The following ANO3 variants were observed in gnomAD, a reference collection of about 807,000 sequenced individuals.
The protein encoded by ANO3 is anoctamin 3.
A neutral mutation model predicts 144.8 loss-of-function variants in ANO3; 99 were observed. That is an observed-to-expected ratio of 0.68 (90% CI 0.58 to 0.81). The LOEUF is 0.81. Ranked by LOEUF, ANO3 falls within the 30% of genes least tolerant of loss-of-function variation. ANO3 has a pLI of 0.00. For missense variants in ANO3, 905 were observed against 1,202.2 expected (o/e 0.75, Z 3.66); for synonymous variants, 414 against 392.6 (o/e 1.05, Z -0.64).
intron 1 of ANO3, among the ~76,000 whole-genome samples, chr11:26,224,001 A>G (rs557494432): frequency 5.0e-4 from 76 of 152,242 alleles, no homozygotes; most frequent in African/African-American, 1.8e-3. Context: ...ACACACACCT[A>G]AACTATATCA....
chr11:26,516,301 A>G (rs1190969491), intron 5 of ANO3, among the ~76,000 whole-genome samples: 2 of 151,448 alleles, frequency 1.3e-5, no homozygotes, highest in Non-Finnish European at 3.0e-5. Context: ...GAAAGCAAAT[A>G]TGACGACTCT....
chr11:26,594,293 C>G (rs192819988), intron 14 of ANO3, among the ~76,000 whole-genome samples: 16 of 152,322 alleles, frequency 1.1e-4, no homozygotes, highest in South Asian at 2.1e-4. Flanking sequence ...GAATCATTCT[C>G]TTTCCTCTGT....
chr11:26,543,686 C>T (rs1221229699), intron 11 of ANO3, among the ~76,000 whole-genome samples: 3 of 152,040 alleles, frequency 2.0e-5, no homozygotes, highest in Non-Finnish European at 4.4e-5. Flanking sequence ...TCAGTTACCA[C>T]CTATGAGTGA....
chr11:26,298,851 C>T (rs1854152689), intron 1 of ANO3, among the ~76,000 whole-genome samples: 1 of 152,170 alleles, frequency 6.6e-6, no homozygotes, highest in Admixed American at 6.5e-5. Flanking sequence ...CCAAGCTTTT[C>T]TCCATCGACT....
chr11:26,383,990 C>T (rs1312501525), intron 1 of ANO3, among the ~76,000 whole-genome samples: 5 of 137,792 alleles, frequency 3.6e-5, no homozygotes, highest in Non-Finnish European at 6.1e-5. Flanking sequence ...CTCCGCTTCT[C>T]GGGTGCAAGT....
chr11:26,506,628 T>C (rs1030061864), intron 4 of ANO3, among the ~76,000 whole-genome samples: 1 of 152,218 alleles, frequency 6.6e-6, no homozygotes, highest in African/African-American at 2.4e-5. Flanking sequence ...CTCAGAGCTT[T>C]TTTATTCATT....
At chr11:26,572,498 G>T (rs1850867565) in intron 14 of ANO3, among the ~76,000 whole-genome samples, 1 of 152,170 alleles carries the variant, frequency 6.6e-6, no homozygotes, top group East Asian at 1.9e-4. Flanking sequence ...CCTTGCAGGT[G>T]AGGAATCCAA....
chr11:26,504,970 C>T (rs954806602), intron 4 of ANO3, among the ~76,000 whole-genome samples: 21 of 139,556 alleles, frequency 1.5e-4, no homozygotes, highest in Admixed American at 1.5e-3. Context: ...GGAGATCACG[C>T]CACTGCACTC....
chr11:26,622,262 A>C (rs1296066329), intron 17 of ANO3, among the ~76,000 whole-genome samples: 1 of 152,060 alleles, frequency 6.6e-6, no homozygotes, highest in Non-Finnish European at 1.5e-5. Context: ...TCAGTTGCAG[A>C]TATTGCCATC....
At chr11:26,263,068 T>C (rs1372390041) in intron 1 of ANO3, among the ~76,000 whole-genome samples, 4 of 152,228 alleles carry the variant, frequency 2.6e-5, no homozygotes, top group Non-Finnish European at 5.9e-5. Context: ...CCCATATTCT[T>C]CATTCCAAGA....
intron 14 of ANO3, among the ~76,000 whole-genome samples, chr11:26,568,271 A>C (rs1484099751): frequency 6.6e-6 from 1 of 152,072 alleles, no homozygotes; most frequent in Non-Finnish European, 1.5e-5. Flanking sequence ...TATTAATCCC[A>C]CTTTACAGAT....
chr11:26,590,151 A>C (rs1201800305), intron 14 of ANO3, among the ~76,000 whole-genome samples: 4 of 152,208 alleles, frequency 2.6e-5, no homozygotes, highest in Non-Finnish European at 5.9e-5. Flanking sequence ...ACAAACAAAC[A>C]AACCCAGATG....
chr11:26,468,477 CTT>C (rs1590387516), intron 4 of ANO3, among the ~76,000 whole-genome samples: 1 of 151,974 alleles, frequency 6.6e-6, no homozygotes, highest in African/African-American at 2.4e-5. Flanking sequence ...AGGCCATTCA[CTT>C]TGTGTCAACT....
chr11:26,208,821 A>T (rs1851871434), intron 1 of ANO3, among the ~76,000 whole-genome samples: 1 of 152,222 alleles, frequency 6.6e-6, no homozygotes, highest in South Asian at 2.1e-4. Flanking sequence ...AAAGTTTTGT[A>T]CTAACATTTG....
At position 26,249,606 on chromosome 11, in the gene ANO3, A is replaced by G. The variant is rs183445235; in HGVS notation, c.155-60039A>G. On this transcript the variant is annotated intron_variant, in intron 1 of 27. Transcript: ENST00000672621. ...GAATAAATGAAAAGGAAATATAAAT[A>G]TTTGGAGCACTGTTATGTTGTTAAA... Among the ~76,000 whole-genome samples the G allele has an allele frequency of 2.4e-4, 36 of 152,204 alleles. No homozygotes were observed. The East Asian group carries it at 6.0e-3, about 25-fold the overall frequency.
At chr11:26,623,554 T>G (rs1852483657) in intron 17 of ANO3, among the ~76,000 whole-genome samples, 1 of 152,134 alleles carries the variant, frequency 6.6e-6, no homozygotes, top group South Asian at 2.1e-4. Flanking sequence ...AGAGGAAAAG[T>G]ATTATCAGAA....
chr11:26,552,018 G>A (rs970565443), intron 12 of ANO3, among the ~76,000 whole-genome samples: 6 of 151,926 alleles, frequency 3.9e-5, no homozygotes, highest in African/African-American at 1.4e-4. Flanking sequence ...AGTTGATGGA[G>A]AACTGGATCT....
chr11:26,439,199 G>A (rs1858421209), intron 1 of ANO3, among the ~76,000 whole-genome samples: 1 of 152,072 alleles, frequency 6.6e-6, no homozygotes, highest in Non-Finnish European at 1.5e-5. Context: ...CTAAACTTAA[G>A]AGCTAAAAGT....
intron 1 of ANO3, among the ~76,000 whole-genome samples, chr11:26,241,074 A>G (rs1316160795): frequency 6.6e-6 from 1 of 152,110 alleles, no homozygotes; most frequent in Non-Finnish European, 1.5e-5. Context: ...GTGATAGTGA[A>G]TAAGTCTCAT....
Sources: allele counts gnomAD v4.1 joint callset (sites outside exome capture counted in the v4.1 genomes callset), GRCh38; gene constraint gnomAD v4.1.1; transcripts MANE v1.5; gene names NCBI Gene and HGNC (gene_info 2026-07-23, HGNC 2026-07-21).